CNPPD1: variants seen among roughly 807,000 people sequenced by gnomAD.
The protein encoded by CNPPD1 is cyclin Pas1/PHO80 domain containing 1.
Under a neutral mutation model 43.7 loss-of-function variants are expected in CNPPD1, and 40 were observed. That is an observed-to-expected ratio of 0.92 (90% CI 0.71 to 1.19). The LOEUF (loss-of-function observed/expected upper bound fraction) is 1.19, where lower values mean the gene tolerates loss of function less well. Ranked by LOEUF, CNPPD1 falls within the 50% of genes most tolerant of loss-of-function variation. The pLI, the probability that CNPPD1 is intolerant of heterozygous loss-of-function variation, is 0.00. For missense variants in CNPPD1, 511 were observed against 518.5 expected (o/e 0.99, Z 0.14); for synonymous variants, 208 against 214.3 (o/e 0.97, Z 0.26).
rs748279105 is a variant in CNPPD1, at chr2:219,176,776, C to G, written c.53G>C (p.Gly18Ala). 2 of 1,581,944 alleles carry G rather than the reference C, an allele frequency of 1.3e-6. No homozygotes were observed. The highest frequency in any genetic ancestry group is 1.7e-4 in the Middle Eastern group (1 of 6,022). The change falls in exon 1 of 8, where the codon GGC becomes GCC. Residue 18 changes from glycine to alanine, a missense_variant. Transcript: ENST00000360507. The stretch of plus-strand genomic sequence containing the variant: ...CCCACTCACCGTGAAGTCCTGGAAG[C>G]CGGCGAGGGAGAAGGTGCCTTCTTC... ...LDEEGTFSLAGFQDFTFLPGH... is the reference protein window; with the variant it reads ...LDEEGTFSLAAFQDFTFLPGH...
At chr2:219,173,546 C>T (rs1040042494) in intron 6 of CNPPD1, 79 bp from the exon 7 acceptor site, 2 of 1,246,628 alleles carry the variant, frequency 1.6e-6, no homozygotes, top group Middle Eastern at 2.2e-4. Flanking sequence ...CACTCAGGAC[C>T]CACCAGGAAA....
In CNPPD1 at chr2:219,175,687, A is replaced by C. The variant is rs1389673935; in HGVS notation, c.179-15T>G. On this transcript the variant is annotated splice_polypyrimidine_tract_variant and intron_variant, in intron 2 of 7. Coordinates refer to ENST00000360507, the MANE Select transcript of CNPPD1 (RefSeq NM_015680.6). ...GACAGCAATGTCTGCAAGGGACAGA[A>C]GGAAGGCCGAGTGAGCAAACAAGCA... is the stretch of plus-strand genomic sequence containing the variant. 6.2e-7 allele frequency: 1 copy of C among 1,612,918 alleles called. No homozygotes were observed. Among genetic ancestry groups the C allele is most frequent in the Non-Finnish European group, 8.5e-7 (1 of 1,179,068 alleles).
At chr2:219,174,084 C>T in intron 6 of CNPPD1, 62 bp downstream of exon 6, 1 of 1,487,240 alleles carries the variant, frequency 6.7e-7, no homozygotes, top group South Asian at 1.1e-5. Flanking sequence ...TCTCTAGCTC[C>T]TATGGCTGAG....
chr2:219,172,770 T>C lies in CNPPD1; in HGVS notation c.1049A>G (p.His350Arg), dbSNP rs138034310. 33 of 1,608,204 alleles carry C rather than the reference T, an allele frequency of 2.1e-5. No homozygotes were observed. The African/African-American group carries it at 4.3e-4, about 21-fold the overall frequency. ...QKLQRDSPTC[H>R]ACLHPNRTVP... ...TGTACGGTTGGGGTGGAGGCAGGCATGGCAGGTTGGGGAGTCTCTCTGGAG... is the reference window on the plus strand; with the variant it reads ...TGTACGGTTGGGGTGGAGGCAGGCACGGCAGGTTGGGGAGTCTCTCTGGAG... Residue 350 changes from histidine (H) to arginine (R), a missense_variant, in exon 8 of 8, where the codon CAT (histidine) becomes CGT (arginine). Transcript: ENST00000360507.
intron 6 of CNPPD1, 111 bp downstream of exon 6, chr2:219,174,035 T>C (rs1215086936): frequency 1.9e-6 from 2 of 1,062,998 alleles, no homozygotes; most frequent in African/African-American, 1.6e-5. Context: ...GGCAATTCTC[T>C]TTCTTGTCTC....
intron 2 of CNPPD1, among the ~76,000 whole-genome samples, 187 bp from the exon 3 acceptor site, chr2:219,175,859 C>T (rs1014175882): frequency 6.6e-6 from 1 of 152,220 alleles, no homozygotes; most frequent in African/African-American, 2.4e-5. Context: ...CGAATTTCAG[C>T]TCATTCTAAC....
rs1468697143 is a variant in CNPPD1, at chr2:219,172,985, C to T, written c.834G>A (p.Leu278=). The change falls in exon 8 of 8, where the codon CTG becomes CTA. Residue 278 remains leucine (L), a synonymous_variant. Transcript: ENST00000360507. ...PDLGLTSRCL[L]EPCIPSVPQC... ...GTGGCACAGAAGGTATGCAGGGCTC[C>T]AGGAGGCAACGGGAGGTCAGTCCAA... 1.2e-6 allele frequency: 2 copies of T among 1,613,898 alleles called. No individual in the cohort carries two copies. Among genetic ancestry groups the T allele is most frequent in the Non-Finnish European group, 1.7e-6 (2 of 1,179,958 alleles).
In CNPPD1 at chr2:219,173,147, G is replaced by T; in HGVS notation, c.691-19C>A. The T allele has an allele frequency of 1.9e-6, 3 of 1,547,104 alleles. 1 individual carries two copies. In the Middle Eastern group the frequency reaches 5.2e-4, roughly 269 times the overall value. ...AAGACAGCTGCAGGAGAGGAGATAA[G>T]AAAGAAGGAATCTGTCTTTAACACA... On this transcript the variant is annotated intron_variant, in intron 7 of 7. Coordinates refer to ENST00000360507, the MANE Select transcript of CNPPD1 (RefSeq NM_015680.6).
At chr2:219,176,101 G>A (rs1442851528) in intron 2 of CNPPD1, 122 bp downstream of exon 2, 7 of 713,392 alleles carry the variant, frequency 9.8e-6, no homozygotes, top group Admixed American at 2.4e-5. Context: ...CTTGAACCAA[G>A]TACCAACGAG....
Position 219,173,037 on chromosome 2 carries a change from C to T in CNPPD1, c.782G>A (p.Cys261Tyr). ...AVIHQSLGLS[C>Y]IPTPGPPDLG... The stretch of plus-strand genomic sequence containing the variant: ...GTCAGGCGGCCCAGGTGTAGGGATG[C>T]AGGACAGCCCCAAAGACTGATGTAT... The change falls in exon 8 of 8, where the codon TGC becomes TAC. Residue 261 changes from cysteine (C) to tyrosine (Y), a missense_variant. Coordinates refer to ENST00000360507, the MANE Select transcript of CNPPD1 (RefSeq NM_015680.6). 1 of 1,612,734 alleles carries T rather than the reference C, an allele frequency of 6.2e-7. No homozygotes were observed.
chr2:219,173,479 G>A lies in CNPPD1; in HGVS notation c.573-12C>T. ...GCTGCTCAGCCACACTGGGGGAAGT[G>A]GAGAAATGACAAGAGTATGCAACTG... is the stretch of plus-strand genomic sequence containing the variant. On this transcript the variant is annotated splice_polypyrimidine_tract_variant and intron_variant, in intron 6 of 7. Coordinates refer to ENST00000360507, the MANE Select transcript of CNPPD1 (RefSeq NM_015680.6). 4 of 1,611,632 alleles carry A rather than the reference G, an allele frequency of 2.5e-6. No homozygotes were observed. The highest frequency in any genetic ancestry group is 3.4e-6 in the Non-Finnish European group (4 of 1,177,994).
intron 3 of CNPPD1, among the ~76,000 whole-genome samples, chr2:219,175,348 T>C (rs1243078270): frequency 1.3e-5 from 2 of 151,290 alleles, no homozygotes; most frequent in East Asian, 3.9e-4. Context: ...AATACAAAAA[T>C]TAGCCAGGGG....
chr2:219,175,208 A>C (rs1329836672), intron 3 of CNPPD1, 100 bp from the exon 4 acceptor site: 2 of 1,436,270 alleles, frequency 1.4e-6, no homozygotes, highest in Non-Finnish European at 9.2e-7. Flanking sequence ...CTTTGGAAAA[A>C]AACTATTCCT....
Position 219,172,731 on chromosome 2 carries a change from A to G in CNPPD1, c.1088T>C (p.Leu363Pro). 1 of 1,613,440 alleles carries G rather than the reference A, an allele frequency of 6.2e-7. No homozygotes were observed. Among genetic ancestry groups the G allele is most frequent in the Non-Finnish European group, 8.5e-7 (1 of 1,179,670 alleles). Residue 363 changes from leucine (L) to proline (P), a missense_variant, in exon 8 of 8, where the codon CTG (leucine) becomes CCG (proline). Physicochemically the swap from Leu to Pro is moderately conservative, Grantham distance 98. Transcript: ENST00000360507. Reference sequence around the variant, plus strand: ...ATAGGTATGGTACCAGGGGCTGGACAGCGCAGTGGGGACTGTACGGTTGGG... The same window carrying G: ...ATAGGTATGGTACCAGGGGCTGGACGGCGCAGTGGGGACTGTACGGTTGGG... ...LHPNRTVPTALSSPWYHTYGL... is the reference protein window; with the variant it reads ...LHPNRTVPTAPSSPWYHTYGL...
At position 219,172,037 on chromosome 2, in the gene CNPPD1, A is replaced by C. The variant is rs1463222049; in HGVS notation, c.*549T>G. 1 of 158,638 alleles carries C rather than the reference A, an allele frequency of 6.3e-6. No homozygotes were observed. The highest frequency in any genetic ancestry group is 1.9e-4 in the East Asian group (1 of 5,234). The allele number at this position is 158,638 out of a possible 1,614,324, so 9.8% of individuals were successfully genotyped here. On this transcript the variant is annotated 3_prime_UTR_variant, in exon 8 of 8. Coordinates refer to ENST00000360507, the MANE Select transcript of CNPPD1 (RefSeq NM_015680.6). Reference sequence around the variant, plus strand: ...AGGGAAACCTAGGAGCAGGACACTAAGAGAAGACTGGAAGACAAAAGATCA... The same window carrying C: ...AGGGAAACCTAGGAGCAGGACACTACGAGAAGACTGGAAGACAAAAGATCA...
At chr2:219,175,215 T>A (rs1950139741) in intron 3 of CNPPD1, 107 bp from the exon 4 acceptor site, 1 of 1,401,164 alleles carries the variant, frequency 7.1e-7, no homozygotes, top group South Asian at 1.5e-5. Flanking sequence ...AAAAAACTAT[T>A]CCTGGCTGGG....
rs1419798981 is a variant in CNPPD1 at position 219,171,935 on chromosome 2, A to G, written c.*651T>C. On this transcript the variant is annotated 3_prime_UTR_variant, in exon 8 of 8. Coordinates refer to ENST00000360507, the MANE Select transcript of CNPPD1 (RefSeq NM_015680.6). ...GTTTATTGAAACCTCAGTTCTACAA[A>G]AGCGTGAAAAACCCTGATACAAAGC... 2.6e-5 allele frequency: 4 copies of G among 152,824 alleles called. No individual in the cohort carries two copies. The highest frequency in any genetic ancestry group is 5.9e-5 in the Non-Finnish European group (4 of 68,222). The allele number at this position is 152,824 out of a possible 1,614,324, so 9.5% of individuals were successfully genotyped here.
At chr2:219,177,052 C>CG (rs1191107048), upstream of CNPPD1, 2 of 455,310 alleles carry the variant, frequency 4.4e-6, no homozygotes, top group African/African-American at 2.1e-5. Context: ...GCGCGGCGCG[C>CG]GGGGGCCCTA....
intron 2 of CNPPD1, 48 bp downstream of exon 2, chr2:219,176,175 T>C (rs1296181274): frequency 2.2e-6 from 3 of 1,375,400 alleles, no homozygotes; most frequent in African/African-American, 2.8e-5. Flanking sequence ...CTGATGACAA[T>C]CCCATTTTCA....
Sources: allele counts gnomAD v4.1 joint callset (sites outside exome capture counted in the v4.1 genomes callset), GRCh38; gene constraint gnomAD v4.1.1; transcripts MANE v1.5; gene names NCBI Gene and HGNC (gene_info 2026-07-23, HGNC 2026-07-21).